The following SLC44A5 variants were observed in gnomAD, a reference collection of about 807,000 sequenced individuals.
The protein encoded by SLC44A5 is choline transporter-like protein 5.
In SLC44A5, 57 loss-of-function variants were observed where a neutral mutation model predicts 101.8. The ratio of observed to expected loss-of-function variants is 0.56; its 90% CI spans 0.45 to 0.70. SLC44A5 has a LOEUF of 0.70. SLC44A5 is among the 30% of genes least tolerant of loss of function. The pLI is 0.00. For missense variants in SLC44A5, 737 were observed against 853.1 expected, an observed-to-expected ratio of 0.86 and a Z score of 1.70; for synonymous variants, 281 against 290.9, an observed-to-expected ratio of 0.97 and a Z score of 0.35.
chr1:75,345,825 T>A (rs1208400425), intron 3 of SLC44A5, among the ~76,000 whole-genome samples: 2 of 152,106 alleles, frequency 1.3e-5, no homozygotes, highest in African/African-American at 2.4e-5. Flanking sequence ...ATAAGCAACA[T>A]AATTGTTATG....
chr1:75,469,950 A>G (rs1265085071), intron 2 of SLC44A5, among the ~76,000 whole-genome samples: 1 of 150,460 alleles, frequency 6.6e-6, no homozygotes, highest in Non-Finnish European at 1.5e-5. Flanking sequence ...CCTGACTCCC[A>G]TAATAAAAAA....
the SLC44A5 span, among the ~76,000 whole-genome samples, chr1:75,671,292 T>C: frequency 6.6e-6 from 1 of 152,164 alleles, no homozygotes; most frequent in African/African-American, 2.4e-5. Flanking sequence ...AAAACAGTAT[T>C]CACAGGAGAG....
intron 1 of SLC44A5, among the ~76,000 whole-genome samples, chr1:75,604,757 G>GTA (rs1675220544): frequency 2.8e-5 from 1 of 35,832 alleles, no homozygotes; most frequent in Non-Finnish European, 1.0e-4. Flanking sequence ...AAACCAAGGG[G>GTA]TGTGTGTGTA....
At chr1:75,219,116 C>G (rs1330900640) in intron 16 of SLC44A5, 141 bp downstream of exon 16, 1 of 657,742 alleles carries the variant, frequency 1.5e-6, no homozygotes, top group Admixed American at 2.5e-5. Flanking sequence ...TTACCTGATG[C>G]ACACTCCCCA....
Position 75,538,823 on chromosome 1 carries a change from G to A in SLC44A5, c.13+2612C>T, listed in dbSNP as rs146329861. On this transcript the variant is annotated intron_variant, in intron 2 of 23. Coordinates refer to ENST00000370859, the MANE Select transcript of SLC44A5 (RefSeq NM_001130058.2). ...CTAATTTACCCAAGTCTCATCTTGGGTGTCCCAGGCATTCCTCTGTGCTGT... is the reference window on the plus strand; with the variant it reads ...CTAATTTACCCAAGTCTCATCTTGGATGTCCCAGGCATTCCTCTGTGCTGT... Among the ~76,000 whole-genome samples the A allele has an allele frequency of 6.6e-5, 10 of 152,248 alleles. No homozygotes were observed. In the East Asian group the frequency reaches 1.7e-3, roughly 26 times the overall value.
At chr1:75,411,035 A>T (rs1366122949) in intron 2 of SLC44A5, among the ~76,000 whole-genome samples, 1 of 152,100 alleles carries the variant, frequency 6.6e-6, no homozygotes, top group Non-Finnish European at 1.5e-5. Context: ...GTGATGATCA[A>T]AGTATAGTGT....
At chr1:75,327,607 G>A (rs974354375) in intron 4 of SLC44A5, among the ~76,000 whole-genome samples, 3 of 152,076 alleles carry the variant, frequency 2.0e-5, no homozygotes, top group Admixed American at 2.0e-4. Context: ...CTCAAGTAAC[G>A]CTTAGCTGAC....
chr1:75,666,254 T>C, the SLC44A5 span, among the ~76,000 whole-genome samples: 1 of 152,014 alleles, frequency 6.6e-6, no homozygotes, highest in Admixed American at 6.6e-5. Context: ...ATAAAAAAAA[T>C]GTGGTATAAA....
At chr1:75,415,404 A>C (rs1348928963) in intron 2 of SLC44A5, among the ~76,000 whole-genome samples, 2 of 152,156 alleles carry the variant, frequency 1.3e-5, no homozygotes, top group Non-Finnish European at 2.9e-5. Flanking sequence ...ATCTTCTGCT[A>C]TGATTGTGAG....
At chr1:75,655,302 A>T in the SLC44A5 span, among the ~76,000 whole-genome samples, 3 of 152,216 alleles carry the variant, frequency 2.0e-5, no homozygotes, top group South Asian at 2.1e-4. Flanking sequence ...AATAAAAGTT[A>T]AAAAATAAAT....
intron 7 of SLC44A5, among the ~76,000 whole-genome samples, chr1:75,243,227 T>C (rs767720641): frequency 3.4e-4 from 51 of 152,074 alleles, no homozygotes; most frequent in Non-Finnish European, 5.2e-4. Flanking sequence ...GCCTCAACCT[T>C]TCTGGGCTCA....
chr1:75,622,955 C>G, the SLC44A5 span, among the ~76,000 whole-genome samples: 109,960 of 151,972 alleles, frequency 0.72, 40,144 homozygotes, highest in East Asian at 0.96. Context: ...ATGCTTCTGA[C>G]ATATTTTTGA....
chr1:75,211,591 C>G, intron 22 of SLC44A5, 39 bp from the exon 23 acceptor site: 1 of 1,406,442 alleles, frequency 7.1e-7, no homozygotes, highest in Non-Finnish European at 1.0e-6. Context: ...ATGTCATTTA[C>G]TTTGACCAGA....
At chr1:75,224,310 T>C (rs1647151481) in intron 13 of SLC44A5, among the ~76,000 whole-genome samples, 1 of 152,216 alleles carries the variant, frequency 6.6e-6, no homozygotes, top group Non-Finnish European at 1.5e-5. Flanking sequence ...GAGTTTGTTA[T>C]TGTTTTATGT....
intron 10 of SLC44A5, 101 bp downstream of exon 10, chr1:75,238,412 A>ATATATATATATATG (rs1443013609): frequency 5.4e-5 from 18 of 334,132 alleles, no homozygotes; most frequent in African/African-American, 3.9e-4. Context: ...ATATATATAT[A>ATATATATATATATG]TGTGATTATT....
chr1:75,264,653 G>A (rs1429729566), intron 6 of SLC44A5, among the ~76,000 whole-genome samples: 1 of 152,216 alleles, frequency 6.6e-6, no homozygotes, highest in East Asian at 1.9e-4. Context: ...GCAGTGCTAA[G>A]AGGAAAATTT....
intron 3 of SLC44A5, among the ~76,000 whole-genome samples, chr1:75,373,200 T>C (rs933208181): frequency 6.6e-6 from 1 of 152,100 alleles, no homozygotes; most frequent in East Asian, 1.9e-4. Flanking sequence ...TAAACCATTA[T>C]ACTTTGAAAA....
intron 2 of SLC44A5, among the ~76,000 whole-genome samples, chr1:75,448,875 C>T (rs577878243): frequency 2.4e-4 from 37 of 152,270 alleles, no homozygotes; most frequent in African/African-American, 7.9e-4. Flanking sequence ...TAAAGTCCTA[C>T]AGATTTGACT....
the SLC44A5 span, among the ~76,000 whole-genome samples, chr1:75,708,343 G>A: frequency 2.7e-5 from 4 of 149,630 alleles, no homozygotes; most frequent in Non-Finnish European, 4.4e-5. Flanking sequence ...GAACCCATGA[G>A]GTGGAGGTTT....
Sources: allele counts gnomAD v4.1 joint callset (sites outside exome capture counted in the v4.1 genomes callset), GRCh38; gene constraint gnomAD v4.1.1; transcripts MANE v1.5; gene names NCBI Gene and HGNC (gene_info 2026-07-23, HGNC 2026-07-21).